The following ADGRG7 variants were observed in gnomAD, a reference collection of about 807,000 sequenced individuals.
ADGRG7 encodes G-protein coupled receptor 128.
Under a neutral mutation model 88.6 loss-of-function variants are expected in ADGRG7, and 82 were observed. That is an observed-to-expected ratio of 0.93 (90% CI 0.77 to 1.11). The LOEUF (loss-of-function observed/expected upper bound fraction) is 1.11. ADGRG7 is among the 50% of genes most tolerant of loss of function. The pLI is 0.00. For synonymous variants in ADGRG7, 381 were observed against 345.2 expected (o/e 1.10, Z -1.15); for missense variants, 945 against 953.4 (o/e 0.99, Z 0.12).
At chr3:100,639,229 CA>C (rs1469470300) in intron 6 of ADGRG7, among the ~76,000 whole-genome samples, 1 of 152,136 alleles carries the variant, frequency 6.6e-6, no homozygotes, top group Admixed American at 6.5e-5. Context: ...CTCTGCTCAG[CA>C]ACTGGACATT....
chr3:100,669,310 C>G (rs1267793993), intron 15 of ADGRG7, among the ~76,000 whole-genome samples: 3 of 151,790 alleles, frequency 2.0e-5, no homozygotes, highest in Non-Finnish European at 4.4e-5. Flanking sequence ...CATGGGGAAA[C>G]CCCATCTCTA....
intron 11 of ADGRG7, among the ~76,000 whole-genome samples, chr3:100,651,775 C>G (rs2094929610): frequency 1.3e-5 from 2 of 151,852 alleles, no homozygotes; most frequent in South Asian, 4.2e-4. Flanking sequence ...TTTCTTTGTT[C>G]TTGGACAGGT....
Position 100,646,615 on chromosome 3 carries a change from G to A in ADGRG7, c.1157G>A (p.Trp386Ter), listed in dbSNP as rs1441412658. The change falls in exon 10 of 16, where the codon TGG becomes TAG. Residue 386 changes from tryptophan to a stop codon, truncating the protein, a stop_gained. Coordinates refer to ENST00000273352, the MANE Select transcript of ADGRG7 (RefSeq NM_032787.3). LOFTEE classifies it high-confidence loss of function. Reference protein sequence around the residue: ...FQLYSYACVYWNLSAKDWDTY... With the variant: ...FQLYSYACVY ...CTCTATTCCTATGCCTGTGTCTATTGGAATTTGTCAGCGAAGGACTGGGAC... is the reference window on the plus strand; with the variant it reads ...CTCTATTCCTATGCCTGTGTCTATTAGAATTTGTCAGCGAAGGACTGGGAC... The A allele has an allele frequency of 1.9e-6, 3 of 1,613,986 alleles. No homozygotes were observed. The South Asian group carries it at 3.3e-5, about 18-fold the overall frequency.
chr3:100,645,058 T>C (rs1324795187), intron 8 of ADGRG7, among the ~76,000 whole-genome samples: 1 of 152,246 alleles, frequency 6.6e-6, no homozygotes, highest in Non-Finnish European at 1.5e-5. Flanking sequence ...ATCAGATGAC[T>C]GAATACTCTG....
intron 3 of ADGRG7, among the ~76,000 whole-genome samples, chr3:100,631,278 T>C (rs994861153): frequency 6.6e-6 from 1 of 152,204 alleles, no homozygotes; most frequent in Non-Finnish European, 1.5e-5. Flanking sequence ...GAACATTCTC[T>C]AGCTTCATTC....
intron 14 of ADGRG7, among the ~76,000 whole-genome samples, chr3:100,667,518 A>G (rs1401509727): frequency 3.3e-5 from 5 of 152,070 alleles, no homozygotes; most frequent in African/African-American, 1.2e-4. Flanking sequence ...ATCCTTTTTT[A>G]TGGCTGCATA....
intron 14 of ADGRG7, among the ~76,000 whole-genome samples, chr3:100,666,986 G>C (rs2094952649): frequency 6.6e-6 from 1 of 152,156 alleles, no homozygotes; most frequent in Non-Finnish European, 1.5e-5. Flanking sequence ...TAGATTAACA[G>C]AATCTCAAGG....
chr3:100,629,092 T>C (rs531148488), intron 1 of ADGRG7, among the ~76,000 whole-genome samples: 1 of 152,254 alleles, frequency 6.6e-6, no homozygotes, highest in East Asian at 1.9e-4. Context: ...GTTTTTGTGA[T>C]TTTTGCAGTT....
In ADGRG7 at chr3:100,674,207, T is replaced by C. The variant is rs144296787; in HGVS notation, c.2136+5102T>C. On this transcript the variant is annotated intron_variant, in intron 15 of 15. Coordinates refer to ENST00000273352, the MANE Select transcript of ADGRG7 (RefSeq NM_032787.3). The stretch of plus-strand genomic sequence containing the variant: ...CATTACTATAGCTCTGTAGTGTAAT[T>C]TGAAGTCAAGTAATGTGATTCCTCC... 6.7e-3 allele frequency among the ~76,000 whole-genome samples: 1,025 copies of C among 152,372 alleles called. 17 individuals carry two copies. Among genetic ancestry groups the C allele is most frequent in the African/African-American group, 0.023 (975 of 41,594 alleles).
intron 1 of ADGRG7, among the ~76,000 whole-genome samples, chr3:100,625,259 G>T (rs563770895): frequency 6.6e-6 from 1 of 152,258 alleles, no homozygotes; most frequent in South Asian, 2.1e-4. Flanking sequence ...CACATCTCTT[G>T]TTAGCTGTAT....
At position 100,646,654 on chromosome 3, in the gene ADGRG7, A is replaced by G. The variant is rs1156794007; in HGVS notation, c.1196A>G (p.Gln399Arg). ...AAGGACTGGGACACATATGGCTGTC[A>G]AAAAGACAAGGGCACTGATGGATTC... ...SAKDWDTYGC[Q>R]KDKGTDGFLR... Residue 399 changes from glutamine (Q) to arginine (R), a missense_variant, in exon 10 of 16, where the codon CAA becomes CGA. Coordinates refer to ENST00000273352, the MANE Select transcript of ADGRG7 (RefSeq NM_032787.3). 2 of 1,614,188 alleles carry G rather than the reference A, an allele frequency of 1.2e-6. No homozygotes were observed. The highest frequency in any genetic ancestry group is 2.2e-5 in the East Asian group (1 of 44,886).
At chr3:100,627,312 A>G (rs1707393226) in intron 1 of ADGRG7, among the ~76,000 whole-genome samples, 1 of 152,180 alleles carries the variant, frequency 6.6e-6, no homozygotes, top group Admixed American at 6.5e-5. Flanking sequence ...ATTTATTGAG[A>G]TGATCGTGAA....
chr3:100,654,417 C>T (rs1438626585), intron 11 of ADGRG7: 1 of 159,136 alleles, frequency 6.3e-6, no homozygotes, highest in Admixed American at 6.2e-5. Context: ...ACACTAAGCA[C>T]TATTGTGTCT....
chr3:100,612,116 C>T (rs1306953294), intron 1 of ADGRG7, among the ~76,000 whole-genome samples: 6 of 152,032 alleles, frequency 3.9e-5, no homozygotes, highest in African/African-American at 2.4e-5. Context: ...TGAAGAATCA[C>T]TCCAGGCTGG....
intron 6 of ADGRG7, among the ~76,000 whole-genome samples, chr3:100,642,566 T>G (rs1489910481): frequency 6.6e-6 from 1 of 152,212 alleles, no homozygotes; most frequent in Non-Finnish European, 1.5e-5. Context: ...AGGTTTTGTT[T>G]GGTCAAGTAC....
chr3:100,631,309 C>T (rs1378062274), intron 3 of ADGRG7, among the ~76,000 whole-genome samples: 1 of 152,114 alleles, frequency 6.6e-6, no homozygotes, highest in Non-Finnish European at 1.5e-5. Context: ...AACATGACTA[C>T]CTTACTTGTA....
chr3:100,630,635 T>C, intron 2 of ADGRG7, 70 bp from the exon 3 acceptor site: 1 of 683,676 alleles, frequency 1.5e-6, no homozygotes, highest in Non-Finnish European at 2.1e-6. Context: ...GTTCTGACCT[T>C]TGACTTTTAT....
intron 1 of ADGRG7, among the ~76,000 whole-genome samples, chr3:100,621,055 A>G (rs1241479665): frequency 1.3e-5 from 2 of 152,116 alleles, no homozygotes; most frequent in African/African-American, 2.4e-5. Flanking sequence ...GGTGCCGTGA[A>G]CCACGTCCAT....
intron 1 of ADGRG7, among the ~76,000 whole-genome samples, chr3:100,620,649 A>C (rs1171045705): frequency 6.6e-6 from 1 of 152,224 alleles, no homozygotes; most frequent in Non-Finnish European, 1.5e-5. Context: ...TACCTTATCA[A>C]ACTGACAATC....
Sources: gnomAD v4.1 joint callset for allele counts (sites outside exome capture counted in the v4.1 genomes callset) on GRCh38, gnomAD v4.1.1 for gene constraint, MANE v1.5 for transcripts, NCBI Gene and HGNC (gene_info 2026-07-23, HGNC 2026-07-21) for gene names.